TMPRSS11D: variants seen among roughly 807,000 people sequenced by gnomAD.
TMPRSS11D encodes transmembrane protease serine 11D.
Under a neutral mutation model 44.4 loss-of-function variants are expected in TMPRSS11D, and 32 were observed. That is an observed-to-expected ratio of 0.72 (90% CI 0.54 to 0.97). The LOEUF (loss-of-function observed/expected upper bound fraction) is 0.97. Ranked by LOEUF, TMPRSS11D falls within the 50% of genes least tolerant of loss-of-function variation. The pLI, the probability that TMPRSS11D is intolerant of heterozygous loss-of-function variation, is 0.00. For missense variants in TMPRSS11D, 446 were observed against 502.6 expected (o/e 0.89, Z 1.08); for synonymous variants, 179 against 177.9 (o/e 1.01, Z -0.05).
At chr4:67,853,773 A>C (rs1170491433) in intron 3 of TMPRSS11D, among the ~76,000 whole-genome samples, 1 of 152,240 alleles carries the variant, frequency 6.6e-6, no homozygotes, top group Non-Finnish European at 1.5e-5. Flanking sequence ...TTAAAAAGAC[A>C]ATGTCAATGC....
At chr4:67,833,431 T>C in intron 6 of TMPRSS11D, 50 bp from the exon 7 acceptor site, 1 of 1,361,502 alleles carries the variant, frequency 7.3e-7, no homozygotes, top group Non-Finnish European at 9.6e-7. Flanking sequence ...TTCCTTTACA[T>C]TTGGAAGAAG....
At position 67,833,351 on chromosome 4, in the gene TMPRSS11D, A is replaced by G. The variant is rs1717995065; in HGVS notation, c.545T>C (p.Leu182Ser). Residue 182 changes from leucine (L) to serine (S), a missense_variant, in exon 7 of 10, where the codon TTG becomes TCG. Coordinates refer to ENST00000283916, the MANE Select transcript of TMPRSS11D (RefSeq NM_004262.3). ...GCCTCCAAGGATTCTCTGCTCAGAC[A>G]ATGTTATTAGGTCTGGACCGGCCCC... ...ECGAGPDLIT[L>S]SEQRILGGTE... 1 of 1,583,010 alleles carries G rather than the reference A, an allele frequency of 6.3e-7. No individual in the cohort carries two copies. Among genetic ancestry groups the G allele is most frequent in the Non-Finnish European group, 8.6e-7 (1 of 1,165,596 alleles).
chr4:67,877,618 G>A (rs561779193), intron 1 of TMPRSS11D, among the ~76,000 whole-genome samples: 5 of 152,186 alleles, frequency 3.3e-5, no homozygotes, highest in Non-Finnish European at 5.9e-5. Context: ...CCTTTGCCCC[G>A]TCAAATAGGC....
At position 67,834,959 on chromosome 4, in the gene TMPRSS11D, A is replaced by G. The variant is rs910314104; in HGVS notation, c.514+124T>C. ...CACTGTCTTGTTTCAACACCACCTG[A>G]GCGAACTAAGAACAAAGACATCAAC... On this transcript the variant is annotated intron_variant, in intron 6 of 9. Transcript: ENST00000283916. 3 of 825,734 alleles carry G rather than the reference A, an allele frequency of 3.6e-6. No homozygotes were observed. The African/African-American group carries it at 5.1e-5, about 14-fold the overall frequency. 51.2% of individuals were successfully genotyped at this position (825,734 alleles called of 1,614,324 possible).
chr4:67,870,684 G>T (rs1257557676), intron 1 of TMPRSS11D, among the ~76,000 whole-genome samples: 1 of 151,926 alleles, frequency 6.6e-6, no homozygotes, highest in East Asian at 1.9e-4. Context: ...CGTGGTGGCG[G>T]GCGCCTATAG....
chr4:67,839,955 G>A (rs10033199), intron 4 of TMPRSS11D, among the ~76,000 whole-genome samples: 86,490 of 146,300 alleles, frequency 0.59, 28,176 homozygotes, highest in South Asian at 0.74. Flanking sequence ...AGCATTAGGT[G>A]TATCTCCTAA....
intron 1 of TMPRSS11D, chr4:67,860,445 T>C (rs1242957596): frequency 6.6e-6 from 1 of 152,026 alleles, no homozygotes; most frequent in Non-Finnish European, 1.5e-5. Context: ...ATCTGAAAAA[T>C]AGGAATAATA....
chr4:67,864,149 C>T (rs757873666), intron 1 of TMPRSS11D, among the ~76,000 whole-genome samples: 1 of 151,810 alleles, frequency 6.6e-6, no homozygotes, highest in South Asian at 2.1e-4. Flanking sequence ...GAGAAAAAAG[C>T]GCATTTCTTT....
At chr4:67,882,723 A>T (rs1719349082) in intron 1 of TMPRSS11D, among the ~76,000 whole-genome samples, 2 of 152,154 alleles carry the variant, frequency 1.3e-5, no homozygotes, top group Admixed American at 1.3e-4. Flanking sequence ...TAGATGGTTT[A>T]AGAACAATAA....
chr4:67,861,097 T>C (rs1718782639), intron 1 of TMPRSS11D, among the ~76,000 whole-genome samples: 1 of 77,178 alleles, frequency 1.3e-5, no homozygotes, highest in African/African-American at 3.9e-5. Flanking sequence ...TTTAAGTATA[T>C]AACATAGAAA....
At chr4:67,830,666 G>A (rs1210732937) in intron 7 of TMPRSS11D, among the ~76,000 whole-genome samples, 2 of 151,992 alleles carry the variant, frequency 1.3e-5, no homozygotes, top group African/African-American at 4.8e-5. Context: ...TGAAGGTTCT[G>A]AAGAGACTCT....
intron 1 of TMPRSS11D, among the ~76,000 whole-genome samples, chr4:67,881,257 GT>G (rs1339229709): frequency 6.6e-6 from 1 of 152,206 alleles, no homozygotes. Flanking sequence ...AGTTGCAGTA[GT>G]GTGTTAAGTA....
intron 7 of TMPRSS11D, among the ~76,000 whole-genome samples, chr4:67,830,203 C>CA (rs566630074): frequency 1.2e-3 from 179 of 151,756 alleles, no homozygotes; most frequent in African/African-American, 3.6e-3. Context: ...CATATACATA[C>CA]AAAAAAACAC....
At chr4:67,826,980 A>T (rs1717808742) in intron 8 of TMPRSS11D, among the ~76,000 whole-genome samples, 1 of 152,102 alleles carries the variant, frequency 6.6e-6, no homozygotes, top group Admixed American at 6.6e-5. Context: ...AAGCTATTTG[A>T]ATCTTATAGA....
intron 4 of TMPRSS11D, among the ~76,000 whole-genome samples, chr4:67,841,924 TAAAGA>T (rs1250266170): frequency 3.3e-5 from 5 of 152,194 alleles, no homozygotes; most frequent in Non-Finnish European, 5.9e-5. Context: ...GCATATTATT[TAAAGA>T]CTAGAGCAAT....
intron 4 of TMPRSS11D, among the ~76,000 whole-genome samples, chr4:67,841,339 A>G (rs958112895): frequency 6.6e-6 from 1 of 152,182 alleles, no homozygotes; most frequent in Non-Finnish European, 1.5e-5. Context: ...AGTAAAGGAA[A>G]CTAAGAAGGA....
Position 67,857,565 on chromosome 4 carries a change from C to T in TMPRSS11D, c.130+1992G>A, listed in dbSNP as rs531062856. ...TTGAAGCCAGGAATTTGAGACCGGC[C>T]TGGGCAACAAAGTGAGACCCCATCT... On this transcript the variant is annotated intron_variant, in intron 2 of 9. Coordinates refer to ENST00000283916, the MANE Select transcript of TMPRSS11D (RefSeq NM_004262.3). Among the ~76,000 whole-genome samples the T allele has an allele frequency of 2.6e-4, 40 of 151,818 alleles. No individual in the cohort carries two copies. In the South Asian group the frequency reaches 7.7e-3, roughly 29 times the overall value.
rs1337553907 is a variant in TMPRSS11D, at chr4:67,827,434, A to G, written c.779T>C (p.Ile260Thr). The change falls in exon 8 of 10, where the codon ATT (isoleucine) becomes ACT (threonine). Residue 260 changes from isoleucine (I) to threonine (T), a missense_variant. Ile to Thr is a moderately conservative substitution (Grantham distance 89). Transcript: ENST00000283916. ...AGTTGCAGATTTATAATTGTTATGA[A>G]TTAAAATATTTCTTACTCTCATTCT... ...KLRMRVRNIL[I>T]HNNYKSATHE... The G allele has an allele frequency of 1.9e-6, 3 of 1,612,980 alleles. No individual in the cohort carries two copies. The highest frequency in any genetic ancestry group is 4.5e-5 in the East Asian group (2 of 44,852).
intron 1 of TMPRSS11D, among the ~76,000 whole-genome samples, chr4:67,869,320 T>A (rs10866200): frequency 0.99 from 150,402 of 152,200 alleles, 74,331 homozygotes; most frequent in East Asian, 1. Context: ...CTAGGCATAT[T>A]TGTAGACACA....
Sources: gnomAD v4.1 joint callset for allele counts (sites outside exome capture counted in the v4.1 genomes callset) on GRCh38, gnomAD v4.1.1 for gene constraint, MANE v1.5 for transcripts, NCBI Gene and HGNC (gene_info 2026-07-23, HGNC 2026-07-21) for gene names.